The following SLAIN1 variants were observed in gnomAD, a reference collection of about 807,000 sequenced individuals.
SLAIN1 encodes SLAIN family member 1, also known as SLAIN motif-containing protein 1.
In SLAIN1, 17 loss-of-function variants were observed where a neutral mutation model predicts 55.4. The observed-to-expected ratio is 0.31, with a 90% CI of 0.21 to 0.46. The LOEUF (loss-of-function observed/expected upper bound fraction) is 0.46. Among genes scored for constraint, SLAIN1 ranks in the 20% least tolerant of loss-of-function variants. The probability of loss-of-function intolerance (pLI) is 1.00; values close to 1 mark genes in which losing one functional copy is unlikely to be tolerated. For synonymous variants in SLAIN1, 348 were observed against 337.4 expected (o/e 1.03, Z -0.35); for missense variants, 682 against 785.1 (o/e 0.87, Z 1.57).
chr13:77,742,234 A>T (rs1258274864), intron 2 of SLAIN1, among the ~76,000 whole-genome samples: 1 of 152,032 alleles, frequency 6.6e-6, no homozygotes, highest in African/African-American at 2.4e-5. Flanking sequence ...TTTGTTCATT[A>T]TATTAATTTA....
Position 77,698,509 on chromosome 13 carries a change from C to A in SLAIN1, c.596C>A (p.Ala199Asp). ...GAATTGCTGGATCTGGAGAGCGTAG[C>A]CGCCTGGCGGGACGAGGACGACTAC... is the stretch of plus-strand genomic sequence containing the variant. Reference protein sequence around the residue: ...EVELLDLESVAAWRDEDDYTW... With the variant: ...EVELLDLESVDAWRDEDDYTW... The change falls in exon 1 of 7, where the codon GCC (alanine) becomes GAC (aspartate). Residue 199 changes from alanine (A) to aspartate (D), a missense_variant. This residue lies in a region of SLAIN1 where 401 missense variants were observed against 417.3 expected (regional missense o/e 0.96). Coordinates refer to ENST00000418532, the MANE Select transcript of SLAIN1 (RefSeq NM_001242868.2). The surrounding 1 kb of genome is among the most constrained non-coding windows in gnomAD (Gnocchi z 4.1). 6.9e-7 allele frequency: 1 copy of A among 1,452,334 alleles called. No individual in the cohort carries two copies. The highest frequency in any genetic ancestry group is 9.0e-7 in the Non-Finnish European group (1 of 1,109,564). 90.0% of individuals were successfully genotyped at this position (1,452,334 alleles called of 1,614,324 possible).
chr13:77,762,499 A>G (rs1875113326), intron 6 of SLAIN1, among the ~76,000 whole-genome samples: 1 of 152,096 alleles, frequency 6.6e-6, no homozygotes, highest in African/African-American at 2.4e-5. Context: ...TGTAACCTCA[A>G]ACTCCTGGGC....
chr13:77,716,664 A>G (rs188062331), intron 1 of SLAIN1, among the ~76,000 whole-genome samples: 60 of 152,288 alleles, frequency 3.9e-4, no homozygotes, highest in African/African-American at 1.1e-3. Flanking sequence ...TTTTAAAAAT[A>G]TGAATTCGTT....
intron 2 of SLAIN1, among the ~76,000 whole-genome samples, chr13:77,726,706 T>A (rs1386360445): frequency 6.6e-6 from 1 of 152,232 alleles, no homozygotes; most frequent in African/African-American, 2.4e-5. Flanking sequence ...CATGAGCCAC[T>A]GTGCTTGGCC....
chr13:77,712,425 AATG>A (rs1481868210), intron 1 of SLAIN1, among the ~76,000 whole-genome samples: 3 of 152,182 alleles, frequency 2.0e-5, no homozygotes, highest in Non-Finnish European at 4.4e-5. Flanking sequence ...ATACACTAAT[AATG>A]AACAGCCAAA....
chr13:77,756,871 C>A (rs745705711), intron 5 of SLAIN1, among the ~76,000 whole-genome samples: 2 of 152,004 alleles, frequency 1.3e-5, no homozygotes, highest in Non-Finnish European at 2.9e-5. Flanking sequence ...ATAACACTTA[C>A]CTTTGGGGGA....
At chr13:77,699,342 A>G (rs1350967010) in intron 1 of SLAIN1, 1 of 209,080 alleles carries the variant, frequency 4.8e-6, no homozygotes, top group Non-Finnish European at 9.6e-6. Flanking sequence ...TTATTTTCTT[A>G]TTTCTTGGAA....
chr13:77,756,475 A>C (rs879786060), intron 5 of SLAIN1, among the ~76,000 whole-genome samples: 42 of 152,192 alleles, frequency 2.8e-4, no homozygotes, highest in African/African-American at 1.0e-3. Context: ...TATTTTTATA[A>C]ATAGTATTTC....
intron 3 of SLAIN1, among the ~76,000 whole-genome samples, chr13:77,744,687 A>T (rs1873696781): frequency 6.6e-6 from 1 of 152,100 alleles, no homozygotes; most frequent in South Asian, 2.1e-4. Context: ...ACAGTTTCCT[A>T]AAAAACTAAA....
intron 1 of SLAIN1, among the ~76,000 whole-genome samples, chr13:77,710,650 C>G (rs1052330652): frequency 6.6e-6 from 1 of 152,098 alleles, no homozygotes; most frequent in African/African-American, 2.4e-5. Context: ...GTGGGAGACT[C>G]TAACACCCCA....
intron 1 of SLAIN1, among the ~76,000 whole-genome samples, chr13:77,702,267 A>G (rs1349707555): frequency 2.0e-5 from 3 of 151,970 alleles, no homozygotes; most frequent in Non-Finnish European, 4.4e-5. Context: ...TGCTATACTG[A>G]TTCCTCAGTT....
At chr13:77,705,794 CT>C (rs1043876974) in intron 1 of SLAIN1, among the ~76,000 whole-genome samples, 8 of 150,668 alleles carry the variant, frequency 5.3e-5, no homozygotes, top group Non-Finnish European at 7.4e-5. Flanking sequence ...ATAACTGAGA[CT>C]TTTTTTTTCT....
At chr13:77,732,499 G>GT (rs144142476) in intron 2 of SLAIN1, among the ~76,000 whole-genome samples, 16,524 of 152,076 alleles carry the variant, frequency 0.11, 932 homozygotes, top group East Asian at 0.12. Context: ...TCTGTAATCT[G>GT]TTTGACAACA....
intron 5 of SLAIN1, among the ~76,000 whole-genome samples, chr13:77,756,892 G>A (rs1594297988): frequency 6.6e-6 from 1 of 152,188 alleles, no homozygotes; most frequent in African/African-American, 2.4e-5. Flanking sequence ...GTTTTGACTA[G>A]GAAGAGGCAT....
intron 2 of SLAIN1, among the ~76,000 whole-genome samples, chr13:77,738,932 T>C (rs1055359826): frequency 1.3e-5 from 2 of 152,238 alleles, no homozygotes; most frequent in South Asian, 4.1e-4. Flanking sequence ...GCAGCTTTGT[T>C]GCCTTCTTGC....
intron 1 of SLAIN1, among the ~76,000 whole-genome samples, chr13:77,714,740 CAT>C (rs1271137320): frequency 6.6e-6 from 1 of 152,162 alleles, no homozygotes; most frequent in Non-Finnish European, 1.5e-5. Context: ...TAGACTTTAA[CAT>C]GTATATATAC....
rs1566214579 is a variant in SLAIN1, at chr13:77,698,337, C to T, written c.424C>T (p.Pro142Ser). The change falls in exon 1 of 7, where the codon CCA (proline) becomes TCA (serine). Residue 142 changes from proline (P) to serine (S), a missense_variant. Pro to Ser is a moderately conservative substitution (Grantham distance 74). Coordinates refer to ENST00000418532, the MANE Select transcript of SLAIN1 (RefSeq NM_001242868.2). This position sits in a 1 kb window ranked among gnomAD's most constrained non-coding sequence, Gnocchi z 4.1. ...APSLLCSLAQ[P>S]PEAPFVYFKP... ...CTCCCTGCTTTGCAGCCTGGCGCAG[C>T]CACCCGAGGCGCCCTTCGTCTACTT... 14 of 1,448,230 alleles carry T rather than the reference C, an allele frequency of 9.7e-6. No homozygotes were observed. The highest frequency in any genetic ancestry group is 1.3e-5 in the Non-Finnish European group (14 of 1,102,630). The allele number at this position is 1,448,230 out of a possible 1,614,324, so 89.7% of individuals were successfully genotyped here. A position where few individuals can be genotyped will look rare whatever the true frequency, so the allele number is the denominator to read the frequency against.
chr13:77,732,748 C>G (rs972474249), intron 2 of SLAIN1, among the ~76,000 whole-genome samples: 11 of 151,942 alleles, frequency 7.2e-5, no homozygotes, highest in African/African-American at 2.7e-4. Context: ...AGCAGTCACT[C>G]TGGTCCTGGA....
At chr13:77,727,317 C>G (rs1418636672) in intron 2 of SLAIN1, among the ~76,000 whole-genome samples, 13 of 151,798 alleles carry the variant, frequency 8.6e-5, no homozygotes, top group Admixed American at 8.5e-4. Flanking sequence ...AGATGGAGGT[C>G]TATACCTAAA....
Sources: gnomAD v4.1 joint callset for allele counts (sites outside exome capture counted in the v4.1 genomes callset) on GRCh38, gnomAD v4.1.1 for gene constraint, gnomAD v4.1.1 regional missense constraint, Gnocchi (gnomAD v3.1) non-coding constraint, MANE v1.5 for transcripts, NCBI Gene and HGNC (gene_info 2026-07-23, HGNC 2026-07-21) for gene names.